The following LRRC4C variants were observed in gnomAD, a reference collection of about 807,000 sequenced individuals.
The protein encoded by LRRC4C is leucine rich repeat containing 4C.
In LRRC4C, 5 loss-of-function variants were observed where a neutral mutation model predicts 33.6. The ratio of observed to expected loss-of-function variants is 0.15; its 90% CI spans 0.08 to 0.31. The LOEUF (loss-of-function observed/expected upper bound fraction) is 0.31. Among genes scored for constraint, LRRC4C ranks in the 10% least tolerant of loss-of-function variants. LRRC4C has a pLI of 1.00. For missense variants in LRRC4C, 560 were observed against 796.7 expected, an observed-to-expected ratio of 0.70 and a Z score of 3.58; for synonymous variants, 329 against 302.0, an observed-to-expected ratio of 1.09 and a Z score of -0.93.
chr11:41,182,839 T>C (rs1945512181), intron 1 of LRRC4C, among the ~76,000 whole-genome samples: 1 of 110,274 alleles, frequency 9.1e-6, no homozygotes, highest in Non-Finnish European at 2.0e-5. Flanking sequence ...TACCCAAGAC[T>C]GGGCAATTTA....
chr11:40,548,863 C>T (rs1957028749), intron 3 of LRRC4C, among the ~76,000 whole-genome samples: 1 of 152,098 alleles, frequency 6.6e-6, no homozygotes, highest in East Asian at 1.9e-4. Flanking sequence ...CCTGTACCCA[C>T]CTGCTTGCAA....
chr11:40,214,453 G>A (rs1863832644), intron 5 of LRRC4C, among the ~76,000 whole-genome samples: 1 of 151,914 alleles, frequency 6.6e-6, no homozygotes, highest in African/African-American at 2.4e-5. Context: ...TTGACTTTGG[G>A]GTAGATTTGC....
intron 3 of LRRC4C, among the ~76,000 whole-genome samples, chr11:40,376,721 ATGTGTGTGTG>A (rs61662311): frequency 1.4e-5 from 2 of 147,768 alleles, no homozygotes; most frequent in Admixed American, 6.8e-5. Context: ...GTGTGTGCTT[ATGTGTGTGTG>A]TGTGTGTGTG....
intron 5 of LRRC4C, among the ~76,000 whole-genome samples, chr11:40,174,184 T>C (rs1860280476): frequency 6.6e-6 from 1 of 152,206 alleles, no homozygotes; most frequent in South Asian, 2.1e-4. Flanking sequence ...TCGTATTTAT[T>C]ATTGGAAGAG....
chr11:40,372,315 A>T (rs1948484628), intron 3 of LRRC4C, among the ~76,000 whole-genome samples: 1 of 152,196 alleles, frequency 6.6e-6, no homozygotes, highest in Admixed American at 6.5e-5. Context: ...GTCCAAGGAC[A>T]CTTGGGGACC....
intron 3 of LRRC4C, among the ~76,000 whole-genome samples, chr11:40,394,421 G>A (rs1027353713): frequency 6.6e-6 from 1 of 152,172 alleles, no homozygotes; most frequent in African/African-American, 2.4e-5. Flanking sequence ...TAAAGAGCTG[G>A]TGAATTAAGG....
At chr11:41,302,042 A>C (rs2137083744) in intron 1 of LRRC4C, among the ~76,000 whole-genome samples, 1 of 152,354 alleles carries the variant, frequency 6.6e-6, no homozygotes, top group Admixed American at 6.5e-5. Context: ...TGATCCTGTA[A>C]TATAATGTAA....
chr11:40,132,568 A>T (rs977120848), intron 6 of LRRC4C, among the ~76,000 whole-genome samples: 7 of 152,208 alleles, frequency 4.6e-5, no homozygotes, highest in African/African-American at 1.4e-4. Flanking sequence ...AGGAAAATGT[A>T]GTAATGCATT....
chr11:41,337,110 T>C (rs1008633656), intron 1 of LRRC4C, among the ~76,000 whole-genome samples: 3 of 151,960 alleles, frequency 2.0e-5, no homozygotes, highest in Non-Finnish European at 2.9e-5. Flanking sequence ...AGCAGCATGA[T>C]CACCACTCAC....
chr11:41,083,556 A>G (rs1390380245), intron 1 of LRRC4C, among the ~76,000 whole-genome samples: 3 of 152,208 alleles, frequency 2.0e-5, no homozygotes, highest in Non-Finnish European at 2.9e-5. Flanking sequence ...TGATACAGCT[A>G]GGGAGGAAGA....
chr11:40,585,422 A>G (rs896067903), intron 3 of LRRC4C, among the ~76,000 whole-genome samples: 6 of 152,180 alleles, frequency 3.9e-5, no homozygotes, highest in African/African-American at 1.2e-4. Flanking sequence ...GTACATGTAC[A>G]TGGACTTAAA....
At chr11:41,360,480 C>T (rs1214108213) in intron 1 of LRRC4C, among the ~76,000 whole-genome samples, 1 of 152,036 alleles carries the variant, frequency 6.6e-6, no homozygotes, top group Non-Finnish European at 1.5e-5. Context: ...ATCCTACAAA[C>T]ATCCAATGAC....
At chr11:41,065,580 C>T (rs1242048586) in intron 1 of LRRC4C, among the ~76,000 whole-genome samples, 1 of 152,208 alleles carries the variant, frequency 6.6e-6, no homozygotes, top group Admixed American at 6.5e-5. Context: ...GACATACTGC[C>T]TCCTCAAGTG....
intron 2 of LRRC4C, among the ~76,000 whole-genome samples, chr11:40,911,111 C>A (rs1245078175): frequency 1.3e-5 from 2 of 152,196 alleles, no homozygotes; most frequent in Non-Finnish European, 2.9e-5. Flanking sequence ...GTAGACTCCA[C>A]CTCTGGGGGC....
chr11:40,223,610 C>A lies in LRRC4C; in HGVS notation c.-96+17909G>T, dbSNP rs543549160. Among the ~76,000 whole-genome samples the A allele has an allele frequency of 5.9e-5, 9 of 152,254 alleles. No homozygotes were observed. The South Asian group carries it at 1.7e-3, about 28-fold the overall frequency. On this transcript the variant is annotated intron_variant, in intron 5 of 6. Transcript: ENST00000528697. ...CAAGGCTGGGCTCAGAGTGTCTGTC[C>A]AGAGTGGAATGTTTCAAAATTGCCT...
chr11:40,468,701 CCTGT>C (rs1780602448), intron 3 of LRRC4C, among the ~76,000 whole-genome samples: 1 of 151,986 alleles, frequency 6.6e-6, no homozygotes, highest in Non-Finnish European at 1.5e-5. Flanking sequence ...TATAAATGCA[CCTGT>C]CTAATCTTTT....
At chr11:40,129,853 T>G (rs80124641) in intron 6 of LRRC4C, among the ~76,000 whole-genome samples, 52 of 152,176 alleles carry the variant, frequency 3.4e-4, no homozygotes, top group African/African-American at 1.2e-3. Context: ...CAACAAAAAG[T>G]CAAATCTACT....
intron 2 of LRRC4C, among the ~76,000 whole-genome samples, chr11:40,895,552 C>A (rs2136142656): frequency 6.6e-6 from 1 of 152,256 alleles, no homozygotes; most frequent in Admixed American, 6.5e-5. Context: ...TCTGTGCCTG[C>A]TGAAGCAGAT....
At chr11:41,060,822 G>C (rs369776542) in intron 1 of LRRC4C, among the ~76,000 whole-genome samples, 4 of 152,052 alleles carry the variant, frequency 2.6e-5, no homozygotes, top group African/African-American at 9.7e-5. Flanking sequence ...CAAATTAGAG[G>C]TATCTTTGAT....
Sources: allele counts gnomAD v4.1 joint callset (sites outside exome capture counted in the v4.1 genomes callset), GRCh38; gene constraint gnomAD v4.1.1; transcripts MANE v1.5; gene names NCBI Gene and HGNC (gene_info 2026-07-23, HGNC 2026-07-21).